The following C1QTNF3 variants were observed in gnomAD, a reference collection of about 807,000 sequenced individuals.
C1QTNF3 encodes the protein complement C1q tumor necrosis factor-related protein 3.
Under a neutral mutation model 32.6 loss-of-function variants are expected in C1QTNF3, and 26 were observed. That is an observed-to-expected ratio of 0.80 (90% confidence interval 0.58 to 1.11). The LOEUF (loss-of-function observed/expected upper bound fraction) is 1.11, where lower values mean the gene tolerates loss of function less well. Ranked by LOEUF, C1QTNF3 falls within the 50% of genes least tolerant of loss-of-function variation. C1QTNF3 has a pLI of 0.00. For synonymous variants in C1QTNF3, 155 were observed against 146.0 expected (o/e 1.06, Z -0.44); for missense variants, 362 against 398.2 (o/e 0.91, Z 0.77).
chr5:34,140,561 G>T, the C1QTNF3 span, among the ~76,000 whole-genome samples: 1 of 152,202 alleles, frequency 6.6e-6, no homozygotes, highest in African/African-American at 2.4e-5. Context: ...GATATATGTA[G>T]GTGGTTATGT....
At chr5:34,140,642 G>A in the C1QTNF3 span, among the ~76,000 whole-genome samples, 2 of 152,072 alleles carry the variant, frequency 1.3e-5, no homozygotes, top group African/African-American at 4.8e-5. Flanking sequence ...CATCCCTATG[G>A]GGATTAGAAA....
chr5:34,183,613 C>T, the C1QTNF3 span, among the ~76,000 whole-genome samples: 1 of 151,120 alleles, frequency 6.6e-6, no homozygotes, highest in Non-Finnish European at 1.5e-5. Flanking sequence ...ATATTATTAA[C>T]GAATTGCTTC....
the C1QTNF3 span, among the ~76,000 whole-genome samples, chr5:34,061,593 A>C: frequency 2.0e-5 from 3 of 152,208 alleles, no homozygotes; most frequent in African/African-American, 7.2e-5. Flanking sequence ...ACTTCAGTGC[A>C]TTCTCAGGCT....
chr5:34,114,553 CAT>C, the C1QTNF3 span, among the ~76,000 whole-genome samples: 1 of 152,014 alleles, frequency 6.6e-6, no homozygotes, highest in African/African-American at 2.4e-5. Flanking sequence ...GCCTATATTT[CAT>C]ATAGTTATTT....
At chr5:34,213,241 T>C in the C1QTNF3 span, among the ~76,000 whole-genome samples, 1 of 152,022 alleles carries the variant, frequency 6.6e-6, no homozygotes, top group Non-Finnish European at 1.5e-5. Context: ...GGTTGAAAAA[T>C]TGCTATCACC....
chr5:34,182,147 G>A, the C1QTNF3 span, among the ~76,000 whole-genome samples: 1 of 152,304 alleles, frequency 6.6e-6, no homozygotes, highest in Non-Finnish European at 1.5e-5. Context: ...AGCCTCCCGA[G>A]TAGCTGGGAT....
At chr5:34,070,627 T>C in the C1QTNF3 span, among the ~76,000 whole-genome samples, 1,400 of 152,200 alleles carry the variant, frequency 9.2e-3, 14 homozygotes, top group South Asian at 0.055. Flanking sequence ...ATGTACTACA[T>C]AGAGTTTATA....
intron 3 of C1QTNF3, among the ~76,000 whole-genome samples, chr5:34,032,744 C>T (rs1754646217): frequency 6.6e-6 from 1 of 152,062 alleles, no homozygotes; most frequent in Non-Finnish European, 1.5e-5. Context: ...TGCAGTGAGC[C>T]AAGATCGTGC....
the C1QTNF3 span, among the ~76,000 whole-genome samples, chr5:34,220,666 C>T: frequency 1.3e-5 from 2 of 152,064 alleles, no homozygotes; most frequent in Non-Finnish European, 2.9e-5. Flanking sequence ...TCACTTCTAT[C>T]GTTGCTATCT....
chr5:34,035,579 G>C, intron 2 of C1QTNF3, 68 bp downstream of exon 2: 2 of 1,150,492 alleles, frequency 1.7e-6, no homozygotes, highest in Non-Finnish European at 2.6e-6. Context: ...AATTATTAAG[G>C]TTTGCCCTTT....
chr5:34,043,412 T>A, upstream of C1QTNF3: 1 of 421,324 alleles, frequency 2.4e-6, no homozygotes, highest in Non-Finnish European at 4.3e-6. Context: ...CACGTTTCTG[T>A]TGAAGTGTGA....
the C1QTNF3 span, among the ~76,000 whole-genome samples, chr5:34,173,298 T>C: frequency 6.6e-6 from 1 of 151,914 alleles, no homozygotes; most frequent in Non-Finnish European, 1.5e-5. Flanking sequence ...TATATTTTAG[T>C]TAAAATATTA....
At chr5:34,045,974 G>A (rs1754978676), upstream of C1QTNF3, among the ~76,000 whole-genome samples, 1 of 152,148 alleles carries the variant, frequency 6.6e-6, no homozygotes, top group Admixed American at 6.5e-5. Flanking sequence ...TAGACACCAG[G>A]CCTGAAGAAT....
At chr5:34,169,711 T>C in the C1QTNF3 span, among the ~76,000 whole-genome samples, 1 of 152,114 alleles carries the variant, frequency 6.6e-6, no homozygotes, top group East Asian at 1.9e-4. Context: ...CAAAAAGTCA[T>C]TGCAAATAGT....
chr5:34,173,909 G>A, the C1QTNF3 span, among the ~76,000 whole-genome samples: 1 of 152,002 alleles, frequency 6.6e-6, no homozygotes, highest in African/African-American at 2.4e-5. Flanking sequence ...AGTGAATTCA[G>A]TAACCAAAGT....
chr5:34,027,658 G>C (rs766895298), intron 4 of C1QTNF3, among the ~76,000 whole-genome samples: 1 of 144,178 alleles, frequency 6.9e-6, no homozygotes, highest in Admixed American at 7.2e-5. Flanking sequence ...AGTGGGCTGA[G>C]ATGGTGCCAC....
At chr5:34,138,685 T>A in the C1QTNF3 span, among the ~76,000 whole-genome samples, 1 of 152,190 alleles carries the variant, frequency 6.6e-6, no homozygotes, top group African/African-American at 2.4e-5. Flanking sequence ...GAGAAATAAT[T>A]ACCCACACAG....
chr5:34,028,189 G>A lies in C1QTNF3; in HGVS notation c.700+565C>T, dbSNP rs1036013709. ...GGGTTTCACCATGTCAGCCAGGATA[G>A]TCTCTATCTACTGACCTCGTGATCC... On this transcript the variant is annotated intron_variant, in intron 4 of 5. Transcript: ENST00000382065. Among the ~76,000 whole-genome samples the A allele has an allele frequency of 2.0e-5, 3 of 152,238 alleles. 1 individual carries two copies. The South Asian group carries it at 6.2e-4, about 31-fold the overall frequency.
the C1QTNF3 span, among the ~76,000 whole-genome samples, chr5:34,212,360 T>C: frequency 6.6e-6 from 1 of 152,022 alleles, no homozygotes; most frequent in Admixed American, 6.6e-5. Flanking sequence ...ACTTCATGTC[T>C]AAAACACCAA....
Sources: gnomAD v4.1 joint callset for allele counts (sites outside exome capture counted in the v4.1 genomes callset) on GRCh38, gnomAD v4.1.1 for gene constraint, MANE v1.5 for transcripts, NCBI Gene and HGNC (gene_info 2026-07-23, HGNC 2026-07-21) for gene names.